The following ATP11C variants were observed in gnomAD, a reference collection of about 807,000 sequenced individuals.
ATP11C encodes the protein phospholipid-transporting ATPase IG.
ATP11C carries 36 observed loss-of-function variants against 97.4 expected under a neutral mutation model. The ratio of observed to expected loss-of-function variants is 0.37; its 90% CI spans 0.28 to 0.49. ATP11C has a LOEUF of 0.49. ATP11C is among the 20% of genes least tolerant of loss of function. The pLI is 0.98. For synonymous variants in ATP11C, 275 were observed against 290.9 expected (o/e 0.95, Z 0.56); for missense variants, 730 against 824.6 (o/e 0.89, Z 1.40).
chrX:139,762,967 G>A (rs1207092098), intron 21 of ATP11C, among the ~76,000 whole-genome samples: 1 of 112,314 alleles, frequency 8.9e-6, no homozygotes, highest in African/African-American at 3.2e-5. Flanking sequence ...AGCAACATAA[G>A]CAGGCAGTCT....
At chrX:139,909,352 C>G (rs1429931970) in intron 1 of ATP11C, among the ~76,000 whole-genome samples, 2 of 110,857 alleles carry the variant, frequency 1.8e-5, no homozygotes, top group Non-Finnish European at 3.8e-5. Flanking sequence ...AGGCTGGTCT[C>G]AAACTCCTGA....
At chrX:139,790,816 CAGAT>C (rs2082676545) in intron 12 of ATP11C, among the ~76,000 whole-genome samples, 1 of 111,256 alleles carries the variant, frequency 9.0e-6, no homozygotes, top group Non-Finnish European at 1.9e-5. Context: ...AGAAAAAAAG[CAGAT>C]AAAGTATAAC....
intron 1 of ATP11C, among the ~76,000 whole-genome samples, chrX:139,923,024 G>A: frequency 8.9e-6 from 1 of 111,812 alleles, no homozygotes; most frequent in Middle Eastern, 4.6e-3. Context: ...GACCTCAAAT[G>A]ATCCACCTGC....
At chrX:139,922,404 C>A (rs917970839) in intron 1 of ATP11C, among the ~76,000 whole-genome samples, 5 of 106,094 alleles carry the variant, frequency 4.7e-5, no homozygotes, top group African/African-American at 1.7e-4. Flanking sequence ...TTTTTAAAAT[C>A]AAAATTACTA....
At chrX:139,865,502 C>A (rs2084265513) in intron 1 of ATP11C, among the ~76,000 whole-genome samples, 1 of 111,898 alleles carries the variant, frequency 8.9e-6, no homozygotes, top group Admixed American at 9.4e-5. Flanking sequence ...TGGCTCACGC[C>A]TGTAATTCCA....
intron 19 of ATP11C, among the ~76,000 whole-genome samples, chrX:139,774,430 C>G (rs1422402787): frequency 8.9e-6 from 1 of 112,158 alleles, no homozygotes; most frequent in Non-Finnish European, 1.9e-5. Flanking sequence ...TACCTAGACT[C>G]TAAACATTTA....
rs965402744 is a variant in ATP11C, at chrX:139,727,232, T to G, written c.*1734A>C. 8.9e-6 allele frequency: 1 copy of G among 111,976 alleles called. No individual in the cohort carries two copies. Among genetic ancestry groups the G allele is most frequent in the African/African-American group, 3.2e-5 (1 of 30,770 alleles). The allele number at this position is 111,976 out of a possible 1,213,427, so 9.2% of individuals were successfully genotyped here. On this transcript the variant is annotated 3_prime_UTR_variant, in exon 30 of 30. Coordinates refer to ENST00000682941, the MANE Select transcript of ATP11C (RefSeq NM_001353812.2). ...AATCATAATACAGCAACAACAACCA[T>G]AAGAACAAGAAAACAAACACAAAAT...
rs180884806 is a variant in ATP11C, at chrX:139,865,693, G to A, written c.28-38870C>T. Among the ~76,000 whole-genome samples the A allele has an allele frequency of 4.5e-3, 496 of 110,974 alleles. 5 individuals are homozygous for A. The highest frequency in any genetic ancestry group is 0.015 in the African/African-American group (451 of 30,504). Reference sequence around the variant, plus strand: ...GTAGAATCGCTTGAACCCGGGAGGCGGAGGTTGCAGTGAGCAAAGATCGTG... The same window carrying A: ...GTAGAATCGCTTGAACCCGGGAGGCAGAGGTTGCAGTGAGCAAAGATCGTG... On this transcript the variant is annotated intron_variant, in intron 1 of 29. Transcript: ENST00000682941.
rs1050216839 is a variant in ATP11C, at chrX:139,747,721, G to A, written c.2829-1864C>T. Among the ~76,000 whole-genome samples the A allele has an allele frequency of 2.7e-5, 3 of 111,556 alleles. No homozygotes were observed. In the South Asian group the frequency reaches 1.1e-3, roughly 42 times the overall value. ...TAAAATCTATAATACACTACACAACGCCACTGCTAATATTAATTGGCATAC... is the reference window on the plus strand; with the variant it reads ...TAAAATCTATAATACACTACACAACACCACTGCTAATATTAATTGGCATAC... On this transcript the variant is annotated intron_variant, in intron 24 of 29. Coordinates refer to ENST00000682941, the MANE Select transcript of ATP11C (RefSeq NM_001353812.2).
At chrX:139,752,760 A>C (rs1234196860) in intron 23 of ATP11C, among the ~76,000 whole-genome samples, 1 of 112,251 alleles carries the variant, frequency 8.9e-6, no homozygotes, top group Admixed American at 9.4e-5. Context: ...AGCAATTTGA[A>C]TGTTCAAGAA....
rs750374357 is a variant in ATP11C, at chrX:139,932,007, T to G, written c.27+9A>C. 2.9e-5 allele frequency: 34 copies of G among 1,163,994 alleles called. No homozygotes were observed. Among genetic ancestry groups the G allele is most frequent in the Middle Eastern group, 2.4e-4 (1 of 4,239 alleles). On this transcript the variant is annotated intron_variant, in intron 1 of 29. Coordinates refer to ENST00000682941, the MANE Select transcript of ATP11C (RefSeq NM_001353812.2). ...CCGGCACGCGCGGAGCCGCAGCGAG[T>G]GTACTTACAAAACGATTCAAGCTCC...
chrX:139,931,954 C>T, intron 1 of ATP11C, 62 bp downstream of exon 1: 1 of 1,120,256 alleles, frequency 8.9e-7, no homozygotes, highest in South Asian at 2.1e-5. Flanking sequence ...TGTGAGGGAC[C>T]CGGCGAAGGG....
intron 13 of ATP11C, among the ~76,000 whole-genome samples, chrX:139,788,725 G>A (rs928413155): frequency 1.2e-4 from 13 of 111,665 alleles, no homozygotes; most frequent in Non-Finnish European, 2.3e-4. Flanking sequence ...TTAATCATTT[G>A]AACAGACATC....
chrX:139,887,925 C>G (rs1359874770), intron 1 of ATP11C, among the ~76,000 whole-genome samples: 1 of 100,046 alleles, frequency 1.0e-5, no homozygotes, highest in Admixed American at 1.1e-4. Context: ...GAGCCGAGAT[C>G]GCACCACTGC....
intron 1 of ATP11C, among the ~76,000 whole-genome samples, chrX:139,852,198 T>C (rs1030303520): frequency 7.5e-4 from 83 of 110,109 alleles, no homozygotes; most frequent in Non-Finnish European, 1.1e-3. Flanking sequence ...CATTGTTCCA[T>C]CTGTAAGGGT....
rs1017900566 is a variant in ATP11C, at chrX:139,796,347, T to C, written c.1132A>G (p.Lys378Glu). 6 of 1,207,572 alleles carry C rather than the reference T, an allele frequency of 5.0e-6. No individual in the cohort carries two copies. The highest frequency in any genetic ancestry group is 3.0e-5 in the East Asian group (1 of 33,765). The change falls in exon 12 of 30, where the codon AAG becomes GAG. Residue 378 changes from lysine (K) to glutamate (E), a missense_variant. Physicochemically the swap from Lys to Glu is moderately conservative, Grantham distance 56. Coordinates refer to ENST00000682941, the MANE Select transcript of ATP11C (RefSeq NM_001353812.2). ...TTAATTTCTTCATCATAAAAGTCCTTATCCCATGAGATGAAGAAGGAGCCC... is the reference window on the plus strand; with the variant it reads ...TTAATTTCTTCATCATAAAAGTCCTCATCCCATGAGATGAAGAAGGAGCCC... ...FLGSFFISWDKDFYDEEINEG... is the reference protein window; with the variant it reads ...FLGSFFISWDEDFYDEEINEG...
chrX:139,848,762 C>T (rs1304221956), intron 1 of ATP11C, among the ~76,000 whole-genome samples: 3 of 111,414 alleles, frequency 2.7e-5, no homozygotes, highest in South Asian at 7.5e-4. Context: ...CATATTGATT[C>T]ATGGAACCTA....
At chrX:139,818,676 C>G (rs1211096295) in intron 3 of ATP11C, among the ~76,000 whole-genome samples, 1 of 111,728 alleles carries the variant, frequency 9.0e-6, no homozygotes, top group Non-Finnish European at 1.9e-5. Flanking sequence ...ATCAACAGGG[C>G]ATTGGAGCAA....
intron 1 of ATP11C, among the ~76,000 whole-genome samples, chrX:139,864,771 C>T (rs2084255779): frequency 8.9e-6 from 1 of 112,168 alleles, no homozygotes; most frequent in African/African-American, 3.2e-5. Flanking sequence ...TTCCAAGAAA[C>T]CAAGATGAGT....
Sources: allele counts gnomAD v4.1 joint callset (sites outside exome capture counted in the v4.1 genomes callset), GRCh38; gene constraint gnomAD v4.1.1; transcripts MANE v1.5; gene names NCBI Gene and HGNC (gene_info 2026-07-23, HGNC 2026-07-21).